The following RANBP2 variants were observed in gnomAD, a reference collection of about 807,000 sequenced individuals.
RANBP2 encodes E3 SUMO-protein ligase RanBP2.
RANBP2 carries 57 observed loss-of-function variants against 303.6 expected under a neutral mutation model. That is an observed-to-expected ratio of 0.19 (90% CI 0.15 to 0.23). The LOEUF is 0.23. Among genes scored for constraint, RANBP2 ranks in the 10% least tolerant of loss-of-function variants. The probability of loss-of-function intolerance (pLI) is 1.00; values close to 1 mark genes in which losing one functional copy is unlikely to be tolerated. For synonymous variants in RANBP2, 1,167 were observed against 1,301.5 expected, an observed-to-expected ratio of 0.90 and a Z score of 2.23; for missense variants, 3,138 against 3,780.8, an observed-to-expected ratio of 0.83 and a Z score of 4.46.
chr2:109,533,783 G>A, the RANBP2 span, among the ~76,000 whole-genome samples: 1 of 152,146 alleles, frequency 6.6e-6, no homozygotes, highest in Admixed American at 6.5e-5. Context: ...AGGTCCTGGG[G>A]GGTACTTTCA....
chr2:109,028,929 AT>A, the RANBP2 span, among the ~76,000 whole-genome samples: 1 of 151,822 alleles, frequency 6.6e-6, no homozygotes, highest in Non-Finnish European at 1.5e-5. Context: ...GTGATTGTTT[AT>A]TTATTTATTT....
At chr2:109,153,037 C>T in the RANBP2 span, among the ~76,000 whole-genome samples, 1 of 152,132 alleles carries the variant, frequency 6.6e-6, no homozygotes, top group Non-Finnish European at 1.5e-5. Context: ...CAGAAATGGA[C>T]CCAGTCTACA....
the RANBP2 span, among the ~76,000 whole-genome samples, chr2:109,335,771 C>CG: frequency 6.6e-6 from 1 of 152,246 alleles, no homozygotes; most frequent in Non-Finnish European, 1.5e-5. Context: ...GATTTGCTGA[C>CG]TAACTGCATA....
At chr2:108,839,903 T>C in the RANBP2 span, among the ~76,000 whole-genome samples, 6 of 152,016 alleles carry the variant, frequency 3.9e-5, no homozygotes, top group African/African-American at 7.2e-5. Flanking sequence ...TCCAGCAGTA[T>C]GTCGAATATG....
At chr2:108,770,621 CAAATAAAT>C (rs201440964) in intron 20 of RANBP2, among the ~76,000 whole-genome samples, 8 of 150,154 alleles carry the variant, frequency 5.3e-5, no homozygotes, top group Admixed American at 1.3e-4. Context: ...GACTGCATCT[CAAATAAAT>C]AAATAAATAA....
At chr2:109,143,510 A>G in the RANBP2 span, among the ~76,000 whole-genome samples, 1 of 152,184 alleles carries the variant, frequency 6.6e-6, no homozygotes, top group Non-Finnish European at 1.5e-5. Context: ...TAGGAGGTCA[A>G]GACAGGAAGA....
intron 4 of RANBP2, 110 bp downstream of exon 4, chr2:108,731,584 C>T: frequency 1.9e-6 from 3 of 1,567,432 alleles, no homozygotes; most frequent in South Asian, 1.2e-5. Flanking sequence ...TTAGTGTTTC[C>T]TTTAAAAATT....
the RANBP2 span, chr2:108,813,046 G>A: frequency 6.9e-6 from 5 of 723,652 alleles, no homozygotes; most frequent in Non-Finnish European, 6.8e-6. Context: ...TCAGGAGATC[G>A]AGACCATCCT....
the RANBP2 span, among the ~76,000 whole-genome samples, chr2:109,160,698 G>A: frequency 2.0e-5 from 3 of 152,318 alleles, no homozygotes; most frequent in Admixed American, 1.3e-4. Flanking sequence ...TGACTGCAGG[G>A]GCTGTGCTCT....
chr2:108,814,941 A>C, the RANBP2 span, among the ~76,000 whole-genome samples: 5 of 152,070 alleles, frequency 3.3e-5, no homozygotes, highest in African/African-American at 4.8e-5. Flanking sequence ...TGGCCTGCAG[A>C]TTTTTAAAAA....
chr2:109,175,204 G>A, the RANBP2 span, among the ~76,000 whole-genome samples: 4 of 152,264 alleles, frequency 2.6e-5, no homozygotes, highest in African/African-American at 4.8e-5. Flanking sequence ...CAGTGGTGAC[G>A]TCAGTTTGGT....
At chr2:108,844,024 G>A in the RANBP2 span, among the ~76,000 whole-genome samples, 29 of 150,514 alleles carry the variant, frequency 1.9e-4, 1 homozygote, top group Admixed American at 1.7e-3. Flanking sequence ...ACCTTACCTG[G>A]TTAATTTTTT....
the RANBP2 span, among the ~76,000 whole-genome samples, chr2:109,588,190 T>TA: frequency 2.0e-5 from 3 of 151,408 alleles, no homozygotes; most frequent in Non-Finnish European, 4.4e-5. Context: ...CAACTTCAGA[T>TA]AAACAAAATC....
At chr2:109,316,380 G>A in the RANBP2 span, among the ~76,000 whole-genome samples, 59 of 152,296 alleles carry the variant, frequency 3.9e-4, no homozygotes, top group African/African-American at 1.4e-3. Flanking sequence ...GAGAAGCCCT[G>A]GTGCCATGTT....
chr2:109,103,983 A>G, the RANBP2 span, among the ~76,000 whole-genome samples: 15 of 151,820 alleles, frequency 9.9e-5, no homozygotes, highest in African/African-American at 3.6e-4. Context: ...TTTAGTAGAG[A>G]CAGGGTTTCA....
the RANBP2 span, among the ~76,000 whole-genome samples, chr2:108,851,105 C>T: frequency 6.6e-6 from 1 of 152,074 alleles, no homozygotes; most frequent in Admixed American, 6.5e-5. Context: ...TCATAGAACT[C>T]AGCGAAACAC....
the RANBP2 span, among the ~76,000 whole-genome samples, chr2:109,457,181 A>G: frequency 2.0e-5 from 3 of 152,246 alleles, no homozygotes; most frequent in Admixed American, 2.0e-4. Flanking sequence ...AATGCATAAC[A>G]TAGTATTTAG....
At chr2:109,324,324 T>TG in the RANBP2 span, among the ~76,000 whole-genome samples, 1 of 152,184 alleles carries the variant, frequency 6.6e-6, no homozygotes, top group Admixed American at 6.5e-5. Context: ...GTAGGGGTAC[T>TG]GGGTCGCATG....
chr2:109,719,481 A>G, the RANBP2 span, among the ~76,000 whole-genome samples: 1 of 147,274 alleles, frequency 6.8e-6, no homozygotes, highest in East Asian at 2.0e-4. Flanking sequence ...ATCCCCGCTC[A>G]CTGCAACCTC....
Sources: allele counts gnomAD v4.1 joint callset (sites outside exome capture counted in the v4.1 genomes callset), GRCh38; gene constraint gnomAD v4.1.1; transcripts MANE v1.5; gene names NCBI Gene and HGNC (gene_info 2026-07-23, HGNC 2026-07-21).